The following GRIK1 variants were observed in gnomAD, a reference collection of about 807,000 sequenced individuals.
GRIK1 encodes glutamate receptor ionotropic, kainate 1.
Under a neutral mutation model 105.7 loss-of-function variants are expected in GRIK1, and 69 were observed. That is an observed-to-expected ratio of 0.65 (90% CI 0.54 to 0.80). The LOEUF (loss-of-function observed/expected upper bound fraction) is 0.80, where lower values mean the gene tolerates loss of function less well. Among genes scored for constraint, GRIK1 ranks in the 30% least tolerant of loss-of-function variants. GRIK1 has a pLI of 0.00. For missense variants in GRIK1, 1,109 were observed against 1,167.3 expected, an observed-to-expected ratio of 0.95 and a Z score of 0.73; for synonymous variants, 438 against 431.3, an observed-to-expected ratio of 1.02 and a Z score of -0.19.
At chr21:29,846,488 AG>A in intron 1 of GRIK1, among the ~76,000 whole-genome samples, 1 of 150,862 alleles carries the variant, frequency 6.6e-6, no homozygotes, top group Non-Finnish European at 1.5e-5. Flanking sequence ...AAAGAAAGAA[AG>A]AAAGAAAGAA....
chr21:29,658,972 G>A (rs959722562), intron 4 of GRIK1, among the ~76,000 whole-genome samples: 1 of 152,192 alleles, frequency 6.6e-6, no homozygotes, highest in Admixed American at 6.5e-5. Context: ...TGCAAGTCAT[G>A]TAAATGATCT....
intron 1 of GRIK1, among the ~76,000 whole-genome samples, chr21:29,901,786 A>G (rs2070419200): frequency 6.6e-6 from 1 of 152,188 alleles, no homozygotes; most frequent in Non-Finnish European, 1.5e-5. Flanking sequence ...ATCCTCCCAA[A>G]CTCATTTTAT....
At chr21:29,694,164 A>C in intron 1 of GRIK1, 101 bp from the exon 2 acceptor site, 1 of 758,640 alleles carries the variant, frequency 1.3e-6, no homozygotes, top group Admixed American at 3.3e-5. Context: ...TCGCTCTGTC[A>C]CCCAGACTGG....
In GRIK1 at chr21:29,555,032, C is replaced by T. The variant is rs879173919; in HGVS notation, c.2607+20G>A. On this transcript the variant is annotated intron_variant, in intron 16 of 17. Coordinates refer to ENST00000327783, the MANE Select transcript of GRIK1 (RefSeq NM_001330994.2). ...TAATGCAAACTATAAACTAACCAGT[C>T]CTAGAAAGAGATGACTCACCTGTTC... is the stretch of plus-strand genomic sequence containing the variant. The T allele has an allele frequency of 6.3e-7, 1 of 1,593,346 alleles. No homozygotes were observed. The highest frequency in any genetic ancestry group is 1.1e-5 in the South Asian group (1 of 89,902).
chr21:29,721,070 C>A (rs1027859974), intron 1 of GRIK1, among the ~76,000 whole-genome samples: 1 of 152,060 alleles, frequency 6.6e-6, no homozygotes, highest in African/African-American at 2.4e-5. Flanking sequence ...CATTTACTCT[C>A]CCCCTAAGTT....
intron 1 of GRIK1, among the ~76,000 whole-genome samples, chr21:29,821,570 A>T (rs551581650): frequency 6.6e-6 from 1 of 152,022 alleles, no homozygotes; most frequent in Non-Finnish European, 1.5e-5. Flanking sequence ...TCATGGGGAG[A>T]TATTAGTGTC....
chr21:29,897,808 A>G (rs2070227807), intron 1 of GRIK1, among the ~76,000 whole-genome samples: 1 of 152,254 alleles, frequency 6.6e-6, no homozygotes, highest in South Asian at 2.1e-4. Flanking sequence ...ACTTCATTGT[A>G]GCTGTTCTGA....
At chr21:29,614,711 C>G (rs1243618728) in intron 7 of GRIK1, among the ~76,000 whole-genome samples, 1 of 151,418 alleles carries the variant, frequency 6.6e-6, no homozygotes, top group Non-Finnish European at 1.5e-5. Flanking sequence ...CCGCGCCCAG[C>G]CCCCACCTTT....
At chr21:29,641,256 C>G (rs2062504021) in intron 7 of GRIK1, among the ~76,000 whole-genome samples, 1 of 152,008 alleles carries the variant, frequency 6.6e-6, no homozygotes, top group African/African-American at 2.4e-5. Context: ...TGGGAGGGAC[C>G]CAGTAGCAGG....
intron 4 of GRIK1, 23 bp downstream of exon 4, chr21:29,672,960 C>T (rs2063187281): frequency 1.3e-6 from 2 of 1,552,230 alleles, no homozygotes; most frequent in Admixed American, 1.9e-5. Context: ...CCCACACCTC[C>T]ACCTCCTCCC....
At chr21:29,822,373 T>G (rs969194353) in intron 1 of GRIK1, among the ~76,000 whole-genome samples, 2 of 152,070 alleles carry the variant, frequency 1.3e-5, no homozygotes, top group Non-Finnish European at 2.9e-5. Flanking sequence ...TTAAGTAATA[T>G]TCTGTCTAAT....
At chr21:29,848,699 TTACATA>T (rs2068204482) in intron 1 of GRIK1, among the ~76,000 whole-genome samples, 1 of 149,154 alleles carries the variant, frequency 6.7e-6, no homozygotes, top group South Asian at 2.1e-4. Flanking sequence ...ATACCGTTTA[TTACATA>T]TACTACAGCT....
rs1555884721 is a variant in GRIK1, at chr21:29,761,766, T to TC, written c.119-67704dup. ...CTTTCTTTCGTTCTTTTTTTTTTTT[T>TC]CTCACAGTTTAGCTCTTGTTGCCCA... On this transcript the variant is annotated intron_variant, in intron 1 of 17. Transcript: ENST00000327783. Among the ~76,000 whole-genome samples, 13 of 151,412 alleles carry TC rather than the reference T, an allele frequency of 8.6e-5. No homozygotes were observed. In the South Asian group the frequency reaches 2.3e-3, roughly 27 times the overall value.
chr21:29,604,444 C>T (rs2061575486), intron 7 of GRIK1, among the ~76,000 whole-genome samples: 1 of 152,114 alleles, frequency 6.6e-6, no homozygotes, highest in Non-Finnish European at 1.5e-5. Flanking sequence ...TCTGCAAACT[C>T]ATTGTTGATA....
chr21:29,666,632 A>G (rs1276140768), intron 4 of GRIK1, among the ~76,000 whole-genome samples: 5 of 152,200 alleles, frequency 3.3e-5, no homozygotes, highest in African/African-American at 1.2e-4. Flanking sequence ...TGAATAAAAA[A>G]ATAAATTTCT....
intron 1 of GRIK1, among the ~76,000 whole-genome samples, chr21:29,701,872 A>G (rs933443651): frequency 1.3e-5 from 2 of 152,202 alleles, no homozygotes; most frequent in African/African-American, 4.8e-5. Context: ...TTTGCTGATG[A>G]TGCATAAGTA....
At chr21:29,677,870 G>T (rs2063301761) in intron 3 of GRIK1, among the ~76,000 whole-genome samples, 1 of 152,270 alleles carries the variant, frequency 6.6e-6, no homozygotes, top group East Asian at 1.9e-4. Context: ...AACTCCTTTT[G>T]ATGCATGAGT....
At chr21:29,879,496 A>G (rs1282828151) in intron 1 of GRIK1, among the ~76,000 whole-genome samples, 1 of 152,064 alleles carries the variant, frequency 6.6e-6, no homozygotes, top group Non-Finnish European at 1.5e-5. Flanking sequence ...ATTTAAATGT[A>G]CCTAAGTATA....
At chr21:29,718,412 T>C (rs1272254288) in intron 1 of GRIK1, among the ~76,000 whole-genome samples, 1 of 152,202 alleles carries the variant, frequency 6.6e-6, no homozygotes, top group Non-Finnish European at 1.5e-5. Context: ...TAAACACTCA[T>C]ATGCGTCTAA....
Sources: allele counts gnomAD v4.1 joint callset (sites outside exome capture counted in the v4.1 genomes callset), GRCh38; gene constraint gnomAD v4.1.1; transcripts MANE v1.5; gene names NCBI Gene and HGNC (gene_info 2026-07-23, HGNC 2026-07-21).